The following LCN8 variants were observed in gnomAD, a reference collection of about 807,000 sequenced individuals.
LCN8 encodes epididymal-specific lipocalin-8.
Under a neutral mutation model 22.8 loss-of-function variants are expected in LCN8, and 16 were observed. The observed-to-expected ratio is 0.70, with a 90% confidence interval of 0.47 to 1.06. The LOEUF (loss-of-function observed/expected upper bound fraction) is 1.06, where lower values mean the gene tolerates loss of function less well. Among genes scored for constraint, LCN8 ranks in the 50% least tolerant of loss-of-function variants. The pLI is 0.00. For missense variants in LCN8, 189 were observed against 203.3 expected, an observed-to-expected ratio of 0.93 and a Z score of 0.43; for synonymous variants, 92 against 83.4, an observed-to-expected ratio of 1.10 and a Z score of -0.56.
rs1210785431 is a variant in LCN8 at position 136,756,545 on chromosome 9, C to A, written c.203G>T (p.Ser68Ile). The A allele has an allele frequency of 1.2e-6, 2 of 1,613,950 alleles. No individual in the cohort carries two copies. The highest frequency in any genetic ancestry group is 2.7e-5 in the African/African-American group (2 of 74,932). ...IEKIVGSEID[S>I]TGKFAFPGHR... ...ACCAGGAAAAGCGAATTTTCCCGTA[C>A]TGTCTATTTCTGAGCCCACGATCTT... The change falls in exon 3 of 7, where the codon AGT becomes ATT. Residue 68 changes from serine (S) to isoleucine (I), a missense_variant. Transcript: ENST00000371688.
intron 2 of LCN8, 142 bp from the exon 3 acceptor site, chr9:136,756,734 G>C: frequency 7.5e-7 from 1 of 1,326,716 alleles, no homozygotes; most frequent in South Asian, 1.4e-5. Flanking sequence ...GATGAGGCGG[G>C]GAATGTGCCA....
At chr9:136,756,681 A>C in intron 2 of LCN8, 89 bp from the exon 3 acceptor site, 4 of 1,562,162 alleles carry the variant, frequency 2.6e-6, no homozygotes, top group Non-Finnish European at 3.5e-6. Context: ...TGTCTTTAGG[A>C]AGGGCACAGG....
At chr9:136,757,797 C>G in intron 1 of LCN8, 110 bp downstream of exon 1, 1 of 1,605,196 alleles carries the variant, frequency 6.2e-7, no homozygotes, top group East Asian at 2.2e-5. Context: ...AAGTGTCTAG[C>G]CGGGCACCAG....
intron 1 of LCN8, chr9:136,757,406 G>T: frequency 7.1e-7 from 1 of 1,415,216 alleles, no homozygotes; most frequent in Non-Finnish European, 9.2e-7. Flanking sequence ...TCCCCACTGG[G>T]CCATCTAGAG....
At chr9:136,758,542 A>G (rs1847260691), upstream of LCN8, 3 of 988,466 alleles carry the variant, frequency 3.0e-6, no homozygotes, top group African/African-American at 3.5e-5. Context: ...TGCACCAGGC[A>G]TCACCACCCG....
At chr9:136,754,735 A>G (rs1184557810) in intron 6 of LCN8, 2 of 1,394,596 alleles carry the variant, frequency 1.4e-6, no homozygotes, top group African/African-American at 1.5e-5. Flanking sequence ...AGTGCCCAAC[A>G]TGGGAGCCCT....
Position 136,755,129 on chromosome 9 carries a change from G to C in LCN8, c.447+6C>G. 6.4e-7 allele frequency: 1 copy of C among 1,569,472 alleles called. No individual in the cohort carries two copies. Among genetic ancestry groups the C allele is most frequent in the Non-Finnish European group, 8.6e-7 (1 of 1,156,816 alleles). On this transcript the variant is annotated splice_donor_region_variant and intron_variant, in intron 6 of 6. Transcript: ENST00000371688. ...AGCACAGGCCAGGGTCGGGGGTCAG[G>C]CTCACCTCCTTCAGGAGCTCGGCAC...
Position 136,755,416 on chromosome 9 carries a change from G to C in LCN8, c.327C>G (p.Tyr109Ter), listed in dbSNP as rs780926500. The stretch of plus-strand genomic sequence containing the variant: ...GCCCCCCAGGGCCAAGCTTACTAAA[G>C]TACTTGAGGACGCGAAAGTTCCTGC... Reference protein sequence around the residue: ...WRGRNFRVLKYFTRSLEDKDR... With the variant: ...WRGRNFRVLK Residue 109 changes from tyrosine (Y) to a stop codon, truncating the protein, a stop_gained, in exon 4 of 7, where the codon TAC becomes TAG. Coordinates refer to ENST00000371688, the MANE Select transcript of LCN8 (RefSeq NM_178469.4). LOFTEE classifies it high-confidence loss of function. 2 of 1,611,576 alleles carry C rather than the reference G, an allele frequency of 1.2e-6. No homozygotes were observed. The highest frequency in any genetic ancestry group is 2.2e-5 in the East Asian group (1 of 44,888).
Position 136,755,607 on chromosome 9 carries a change from C to T in LCN8, c.227-91G>A, listed in dbSNP as rs986628592. Reference sequence around the variant, plus strand: ...TGCAGGGTCTAACTCCATCCTGCCCCCACCCAGTCCCAGCACTTGAGTGGT... The same window carrying T: ...TGCAGGGTCTAACTCCATCCTGCCCTCACCCAGTCCCAGCACTTGAGTGGT... On this transcript the variant is annotated intron_variant, in intron 3 of 6. Transcript: ENST00000371688. The T allele has an allele frequency of 9.8e-6, 15 of 1,535,502 alleles. No individual in the cohort carries two copies. The Admixed American group carries it at 2.6e-4, about 26-fold the overall frequency.
chr9:136,757,852 G>C, intron 1 of LCN8, 55 bp downstream of exon 1: 8 of 1,613,286 alleles, frequency 5.0e-6, no homozygotes, highest in Non-Finnish European at 6.8e-6. Flanking sequence ...CCTTCCCTGA[G>C]CCTGAGGGGT....
rs778491887 is a variant in LCN8, at chr9:136,757,163, T to A, written c.30A>T (p.Gly10=). MEELDRQKI[G]GFWREVGVAS... is the part of the protein sequence containing the mutation. ...CCACACCGACTTCCCTCCAGAATCC[T>A]CCAATCTAGAGAGATACGGAGCCTG... is the stretch of plus-strand genomic sequence containing the variant. Residue 10 remains glycine, a synonymous_variant, in exon 2 of 7, where the codon GGA becomes GGT. Transcript: ENST00000371688. The A allele has an allele frequency of 2.7e-5, 43 of 1,612,266 alleles. No homozygotes were observed. The South Asian group carries it at 4.5e-4, about 17-fold the overall frequency.
chr9:136,755,604 C>A (rs1847166421), intron 3 of LCN8, 88 bp from the exon 4 acceptor site: 3 of 1,537,714 alleles, frequency 2.0e-6, no homozygotes, highest in Admixed American at 3.9e-5. Flanking sequence ...CTCCATCCTG[C>A]CCCCACCCAG....
At position 136,756,578 on chromosome 9, in the gene LCN8, TCA is replaced by T. The variant is rs750251539; in HGVS notation, c.168_169del (p.Cys56Ter). On this transcript the variant is annotated stop_gained and frameshift_variant, in exon 3 of 7. Transcript: ENST00000371688. LOFTEE classifies it high-confidence loss of function. ...TTCTGAGCCCACGATCTTCTCTATC[TCA>T]CAGCTTCCTGAGCTGAAAGGCAGCA... The T allele has an allele frequency of 1.9e-6, 3 of 1,613,662 alleles. No homozygotes were observed. The highest frequency in any genetic ancestry group is 2.5e-6 in the Non-Finnish European group (3 of 1,179,774).
At chr9:136,754,992 G>A (rs1847148532) in intron 6 of LCN8, 143 bp downstream of exon 6, 1 of 1,423,550 alleles carries the variant, frequency 7.0e-7, no homozygotes, top group African/African-American at 1.4e-5. Flanking sequence ...CACCAGTGGT[G>A]TTTGGTGTCC....
At chr9:136,755,095 G>A (rs1302407522) in intron 6 of LCN8, 40 bp downstream of exon 6, 13 of 1,486,208 alleles carry the variant, frequency 8.7e-6, no homozygotes, top group African/African-American at 2.8e-5. Flanking sequence ...CCAGGGGCCC[G>A]GGAACTTCAG....
intron 6 of LCN8, chr9:136,754,845 T>G: frequency 7.4e-7 from 1 of 1,350,800 alleles, no homozygotes; most frequent in Non-Finnish European, 9.5e-7. Context: ...AAGGCGCCAT[T>G]TCTGCTCCCC....
chr9:136,755,575 C>A (rs2131087087), intron 3 of LCN8, 59 bp from the exon 4 acceptor site: 1 of 1,552,980 alleles, frequency 6.4e-7, no homozygotes. Context: ...CCTCGAAGGC[C>A]AGGGTCTGCA....
Position 136,758,035 on chromosome 9 carries a change from G to A in LCN8, c.-105C>T, listed in dbSNP as rs1847251865. ...GGGCTCCGGGTTCCCCTGCTGCACAGCCTGGGCCGATTCTATACGGACAGT... is the reference window on the plus strand; with the variant it reads ...GGGCTCCGGGTTCCCCTGCTGCACAACCTGGGCCGATTCTATACGGACAGT... On this transcript the variant is annotated 5_prime_UTR_variant, in exon 1 of 7. Transcript: ENST00000371688. 11 of 1,554,786 alleles carry A rather than the reference G, an allele frequency of 7.1e-6. No individual in the cohort carries two copies. Among genetic ancestry groups the A allele is most frequent in the Non-Finnish European group, 7.8e-6 (9 of 1,152,330 alleles).
intron 1 of LCN8, chr9:136,757,578 CGCCAGCCT>C: frequency 1.1e-5 from 15 of 1,390,008 alleles, no homozygotes; most frequent in Non-Finnish European, 1.4e-5. Context: ...TAGCGCAGCT[CGCCAGCCT>C]GCCAACCACG....
Sources: gnomAD v4.1 joint callset for allele counts on GRCh38, gnomAD v4.1.1 for gene constraint, MANE v1.5 for transcripts, NCBI Gene and HGNC (gene_info 2026-07-23, HGNC 2026-07-21) for gene names.